Variants in SLC26A4 observed in about 807,000 individuals in gnomAD.
SLC26A4 encodes pendrin.
Under a neutral mutation model 90.4 loss-of-function variants are expected in SLC26A4, and 93 were observed. The ratio of observed to expected loss-of-function variants is 1.03; its 90% CI spans 0.87 to 1.22. The LOEUF is 1.22. Among genes scored for constraint, SLC26A4 ranks in the 50% most tolerant of loss-of-function variants. The pLI is 0.00. For missense variants in SLC26A4, 1,127 were observed against 946.2 expected (o/e 1.19, Z -2.51); for synonymous variants, 393 against 354.6 (o/e 1.11, Z -1.22).
intron 4 of SLC26A4, 29 bp downstream of exon 4, chr7:107,672,277 T>G: frequency 1.4e-6 from 2 of 1,405,874 alleles, no homozygotes; most frequent in Non-Finnish European, 2.0e-6. Context: ...TACAATTATA[T>G]TTGCTCATGT....
chr7:107,683,612 T>C (rs1791316651), intron 8 of SLC26A4, 75 bp downstream of exon 8: 1 of 1,154,402 alleles, frequency 8.7e-7, no homozygotes, highest in African/African-American at 1.5e-5. Context: ...TAAAACCTTT[T>C]ATTACAAGCT....
At chr7:107,700,233 C>A in intron 15 of SLC26A4, 58 bp downstream of exon 15, 1 of 866,146 alleles carries the variant, frequency 1.2e-6, no homozygotes, top group Non-Finnish European at 2.0e-6. Context: ...TTCATTCATT[C>A]TACAAGTATT....
intron 14 of SLC26A4, among the ~76,000 whole-genome samples, chr7:107,699,707 T>C (rs1791832764): frequency 1.3e-5 from 2 of 152,018 alleles, no homozygotes; most frequent in African/African-American, 4.8e-5. Context: ...GGCGGGTGAA[T>C]CACTTGAGGT....
chr7:107,674,665 G>T (rs985440356), intron 5 of SLC26A4, among the ~76,000 whole-genome samples: 6 of 152,162 alleles, frequency 3.9e-5, no homozygotes, highest in African/African-American at 1.4e-4. Context: ...GGAGACACAG[G>T]ACCGAAAGCC....
chr7:107,691,489 C>G (rs938622442), intron 10 of SLC26A4, among the ~76,000 whole-genome samples: 1 of 133,882 alleles, frequency 7.5e-6, no homozygotes, highest in Non-Finnish European at 1.6e-5. Flanking sequence ...GCGACAAGAG[C>G]TAGACTCTGT....
chr7:107,673,273 C>A (rs531006719), intron 4 of SLC26A4, among the ~76,000 whole-genome samples: 1 of 151,454 alleles, frequency 6.6e-6, no homozygotes, highest in South Asian at 2.1e-4. Flanking sequence ...GTGAACGGAG[C>A]AATTGCTGAA....
At chr7:107,673,716 T>C (rs544366710) in intron 4 of SLC26A4, among the ~76,000 whole-genome samples, 1 of 152,196 alleles carries the variant, frequency 6.6e-6, no homozygotes, top group East Asian at 1.9e-4. Context: ...CCTCGAGATA[T>C]CTGCGTTTTT....
In SLC26A4 at chr7:107,661,637, A is replaced by G. The variant is rs397516411; in HGVS notation, c.-3-2A>G. On this transcript the variant is annotated splice_acceptor_variant, in intron 1 of 20. Transcript: ENST00000644269. LOFTEE classifies it low-confidence loss of function (5UTR_SPLICE). The surrounding 1 kb of genome is among the most constrained non-coding windows in gnomAD (Gnocchi z 5.1). ...CCCTCCTCGCTGTCCTCTGGCTCGC[A>G]GGTCATGGCAGCGCCAGGCGGCAGG... 612 of 1,559,544 alleles carry G rather than the reference A, an allele frequency of 3.9e-4. No homozygotes were observed. The highest frequency in any genetic ancestry group is 5.0e-4 in the Non-Finnish European group (576 of 1,158,060).
intron 20 of SLC26A4, among the ~76,000 whole-genome samples, chr7:107,713,652 C>T (rs992772523): frequency 4.6e-5 from 7 of 152,202 alleles, no homozygotes; most frequent in East Asian, 1.9e-4. Context: ...CATGACCTAC[C>T]TTGATCTCAT....
intron 18 of SLC26A4, among the ~76,000 whole-genome samples, chr7:107,707,036 C>A (rs563320043): frequency 1.3e-5 from 2 of 152,042 alleles, no homozygotes; most frequent in Non-Finnish European, 2.9e-5. Flanking sequence ...GGGCATGGAG[C>A]CTGAGGCTGA....
chr7:107,688,707 G>A (rs1008362641), intron 8 of SLC26A4, among the ~76,000 whole-genome samples: 2 of 152,228 alleles, frequency 1.3e-5, no homozygotes, highest in Non-Finnish European at 2.9e-5. Flanking sequence ...ACTTTAAGAT[G>A]GAATTGTGGA....
At chr7:107,712,826 C>T (rs1792229230) in intron 20 of SLC26A4, among the ~76,000 whole-genome samples, 1 of 152,136 alleles carries the variant, frequency 6.6e-6, no homozygotes, top group Non-Finnish European at 1.5e-5. Flanking sequence ...TTGTCCCAGG[C>T]ATTTGGGGAT....
intron 18 of SLC26A4, among the ~76,000 whole-genome samples, chr7:107,705,905 A>G (rs1258775434): frequency 6.6e-6 from 1 of 152,210 alleles, no homozygotes; most frequent in Non-Finnish European, 1.5e-5. Context: ...TGTGGCCCAC[A>G]GTTTAAGCAT....
chr7:107,707,273 A>G (rs1445470305), intron 18 of SLC26A4, among the ~76,000 whole-genome samples: 1 of 152,228 alleles, frequency 6.6e-6, no homozygotes, highest in Non-Finnish European at 1.5e-5. Flanking sequence ...TAAAACCTGT[A>G]ATTCTTCTCC....
At chr7:107,692,134 C>A in intron 10 of SLC26A4, 1 of 1,251,308 alleles carries the variant, frequency 8.0e-7, no homozygotes, top group Non-Finnish European at 1.0e-6. Context: ...GATAATGGTG[C>A]TCTGGTAAGC....
At chr7:107,701,746 G>A (rs1791892023) in intron 16 of SLC26A4, 81 bp from the exon 17 acceptor site, 4 of 935,762 alleles carry the variant, frequency 4.3e-6, no homozygotes, top group South Asian at 1.3e-5. Flanking sequence ...ACAGTGTGTA[G>A]GTCTTTTGGA....
intron 14 of SLC26A4, 43 bp from the exon 15 acceptor site, chr7:107,700,040 G>A: frequency 8.9e-7 from 1 of 1,123,172 alleles, no homozygotes; most frequent in Non-Finnish European, 1.4e-6. Flanking sequence ...AAATACTTGA[G>A]GCTTGAAATT....
chr7:107,677,425 A>T (rs1305529181), intron 6 of SLC26A4, among the ~76,000 whole-genome samples: 1 of 152,134 alleles, frequency 6.6e-6, no homozygotes, highest in Non-Finnish European at 1.5e-5. Context: ...TATCTGTCAC[A>T]TAGTAAGAAT....
Position 107,674,996 on chromosome 7 carries a change from C to A in SLC26A4, c.652C>A (p.Pro218Thr). The change falls in exon 6 of 21, where the codon CCT becomes ACT. Residue 218 changes from proline to threonine, a missense_variant. Transcript: ENST00000644269. ...IGFIVRYLAD[P>T]LVGGFTTAAA... ...ATTCATAGTGAGGTACTTGGCAGAT[C>A]CTTTGGTTGGTGGCTTCACAACAGC... The A allele has an allele frequency of 6.2e-7, 1 of 1,613,876 alleles. No individual in the cohort carries two copies. The highest frequency in any genetic ancestry group is 2.2e-5 in the East Asian group (1 of 44,884).
Sources: allele counts gnomAD v4.1 joint callset (sites outside exome capture counted in the v4.1 genomes callset), GRCh38; gene constraint gnomAD v4.1.1; non-coding constraint Gnocchi (gnomAD v3.1); transcripts MANE v1.5; gene names NCBI Gene and HGNC (gene_info 2026-07-23, HGNC 2026-07-21).